The following APP variants were observed in gnomAD, a reference collection of about 807,000 sequenced individuals.
The protein encoded by APP is amyloid beta precursor protein.
In APP, 31 loss-of-function variants were observed where a neutral mutation model predicts 101.4. That is an observed-to-expected ratio of 0.31 (90% CI 0.23 to 0.41). The LOEUF (loss-of-function observed/expected upper bound fraction) is 0.41, where lower values mean the gene tolerates loss of function less well. Among genes scored for constraint, APP ranks in the 10% least tolerant of loss-of-function variants. APP has a pLI of 1.00. For synonymous variants in APP, 366 were observed against 364.4 expected (o/e 1.00, Z -0.05); for missense variants, 839 against 1,003.7 (o/e 0.84, Z 2.22).
intron 14 of APP, among the ~76,000 whole-genome samples, chr21:25,909,903 A>C (rs1189964378): frequency 6.6e-6 from 1 of 152,106 alleles, no homozygotes; most frequent in Non-Finnish European, 1.5e-5. Flanking sequence ...GTAAAGTTTT[A>C]ATTATTTTTA....
intron 13 of APP, among the ~76,000 whole-genome samples, chr21:25,949,706 G>T (rs578127003): frequency 6.6e-6 from 1 of 152,232 alleles, no homozygotes; most frequent in South Asian, 2.1e-4. Context: ...CAGGATGGAG[G>T]GTTAGTAGAG....
At chr21:26,058,906 C>G (rs1049051452) in intron 3 of APP, among the ~76,000 whole-genome samples, 1 of 152,036 alleles carries the variant, frequency 6.6e-6, no homozygotes, top group African/African-American at 2.4e-5. Flanking sequence ...ACGGTGAAAC[C>G]CCGTCTCTAC....
chr21:25,899,568 A>AGG (rs1321334094), intron 15 of APP, among the ~76,000 whole-genome samples: 112 of 152,274 alleles, frequency 7.4e-4, no homozygotes, highest in African/African-American at 2.7e-3. Flanking sequence ...TAAGATACTG[A>AGG]GGTCTCTTAG....
At chr21:26,105,727 T>G (rs1056831389) in intron 2 of APP, among the ~76,000 whole-genome samples, 6 of 152,194 alleles carry the variant, frequency 3.9e-5, no homozygotes, top group African/African-American at 9.7e-5. Context: ...ATGTCAACAC[T>G]GTCTAAAACT....
At chr21:26,139,337 C>A (rs762696036) in intron 1 of APP, among the ~76,000 whole-genome samples, 5 of 152,072 alleles carry the variant, frequency 3.3e-5, no homozygotes, top group African/African-American at 4.8e-5. Context: ...GCAAAAAAAT[C>A]ATCTGTTACC....
chr21:26,134,419 A>T (rs943638961), intron 1 of APP, among the ~76,000 whole-genome samples: 1 of 152,210 alleles, frequency 6.6e-6, no homozygotes, highest in Non-Finnish European at 1.5e-5. Flanking sequence ...TCATTGCTGG[A>T]GCACCTTCAG....
chr21:26,109,128 A>C (rs1458002946), intron 2 of APP, among the ~76,000 whole-genome samples: 1 of 152,186 alleles, frequency 6.6e-6, no homozygotes, highest in East Asian at 1.9e-4. Context: ...GGAAGGTGAC[A>C]GCAAAGGGCT....
At chr21:26,116,889 AT>A (rs148513335) in intron 1 of APP, among the ~76,000 whole-genome samples, 5 of 151,454 alleles carry the variant, frequency 3.3e-5, no homozygotes, top group Admixed American at 6.6e-5. Context: ...TAATCTCAGT[AT>A]TTTTTTTTGG....
chr21:26,001,145 T>C (rs2043277225), intron 6 of APP, among the ~76,000 whole-genome samples: 1 of 152,190 alleles, frequency 6.6e-6, no homozygotes, highest in East Asian at 1.9e-4. Flanking sequence ...CTCCAACTGA[T>C]TAATACACAC....
intron 1 of APP, among the ~76,000 whole-genome samples, chr21:26,117,585 T>C (rs1022755935): frequency 5.9e-5 from 9 of 152,200 alleles, no homozygotes; most frequent in African/African-American, 1.9e-4. Flanking sequence ...AGAAGGGAAT[T>C]CAACCTATTC....
intron 2 of APP, among the ~76,000 whole-genome samples, chr21:26,093,217 C>G (rs922316301): frequency 5.3e-5 from 8 of 151,998 alleles, no homozygotes; most frequent in African/African-American, 1.9e-4. Context: ...ATTCTCCCAC[C>G]GTCTTTACTT....
At chr21:25,965,048 C>T (rs1367378353) in intron 11 of APP, among the ~76,000 whole-genome samples, 1 of 152,196 alleles carries the variant, frequency 6.6e-6, no homozygotes, top group Non-Finnish European at 1.5e-5. Flanking sequence ...AACACAACCC[C>T]ATGATTCATG....
chr21:25,992,732 T>A (rs116813796), intron 8 of APP, among the ~76,000 whole-genome samples: 3,031 of 152,340 alleles, frequency 0.02, 89 homozygotes, highest in African/African-American at 0.069. Flanking sequence ...TAGAATATAC[T>A]GGCACTGACG....
intron 3 of APP, 163 bp downstream of exon 3, chr21:26,089,780 C>T (rs745769782): frequency 4.3e-5 from 43 of 993,342 alleles, no homozygotes; most frequent in Admixed American, 1.1e-4. Flanking sequence ...CCTATAGGGT[C>T]AGTGCACAGA....
chr21:25,893,855 G>A (rs934124649), intron 16 of APP, among the ~76,000 whole-genome samples: 2 of 152,216 alleles, frequency 1.3e-5, no homozygotes, highest in African/African-American at 2.4e-5. Context: ...AGATGAAACA[G>A]ACTTATTTGG....
intron 16 of APP, among the ~76,000 whole-genome samples, chr21:25,893,663 C>CTTCACCTCTCTCATCCTTCAT (rs1381896594): frequency 6.6e-6 from 1 of 151,892 alleles, no homozygotes; most frequent in Non-Finnish European, 1.5e-5. Context: ...GAAGAAGCTG[C>CTTCACCTCTCTCATCCTTCAT]AGAAGAAAAA....
intron 1 of APP, among the ~76,000 whole-genome samples, chr21:26,168,718 G>A (rs2063671030): frequency 6.6e-6 from 1 of 152,208 alleles, no homozygotes; most frequent in East Asian, 1.9e-4. Context: ...ACAAATAAAT[G>A]TAAGTAAGTC....
intron 1 of APP, among the ~76,000 whole-genome samples, chr21:26,133,755 G>C (rs889269650): frequency 2.6e-5 from 4 of 152,164 alleles, no homozygotes; most frequent in African/African-American, 9.7e-5. Flanking sequence ...CTGGGCGACA[G>C]AGCGAGACTC....
intron 1 of APP, among the ~76,000 whole-genome samples, chr21:26,126,256 TAAG>T (rs1169420063): frequency 6.6e-6 from 1 of 152,212 alleles, no homozygotes; most frequent in African/African-American, 2.4e-5. Context: ...TTCTAGATAA[TAAG>T]AATTTTAGGT....
Sources: gnomAD v4.1 joint callset for allele counts (sites outside exome capture counted in the v4.1 genomes callset) on GRCh38, gnomAD v4.1.1 for gene constraint, MANE v1.5 for transcripts, NCBI Gene and HGNC (gene_info 2026-07-23, HGNC 2026-07-21) for gene names.